DSCAM: variants seen among roughly 807,000 people sequenced by gnomAD.
DSCAM encodes cell adhesion molecule DSCAM.
Under a neutral mutation model 217.7 loss-of-function variants are expected in DSCAM, and 47 were observed. That is an observed-to-expected ratio of 0.22 (90% CI 0.17 to 0.28). The LOEUF (loss-of-function observed/expected upper bound fraction) is 0.28, where lower values mean the gene tolerates loss of function less well. Among genes scored for constraint, DSCAM ranks in the 10% least tolerant of loss-of-function variants. DSCAM has a pLI of 1.00. For missense variants in DSCAM, 2,080 were observed against 2,618.3 expected, an observed-to-expected ratio of 0.79 and a Z score of 4.49; for synonymous variants, 1,056 against 1,015.3, an observed-to-expected ratio of 1.04 and a Z score of -0.76.
intron 3 of DSCAM, among the ~76,000 whole-genome samples, chr21:40,424,972 C>T (rs9305697): frequency 0.47 from 71,586 of 151,700 alleles, 17,371 homozygotes; most frequent in South Asian, 0.53. Flanking sequence ...GGGATGGGTG[C>T]CTGTAATCCC....
intron 15 of DSCAM, among the ~76,000 whole-genome samples, chr21:40,169,180 C>T (rs943313983): frequency 6.6e-6 from 1 of 151,950 alleles, no homozygotes; most frequent in Non-Finnish European, 1.5e-5. Context: ...GAGGGCAGAG[C>T]GACGGGAGGC....
chr21:40,496,617 T>A (rs1382687841), intron 3 of DSCAM, among the ~76,000 whole-genome samples: 1 of 152,078 alleles, frequency 6.6e-6, no homozygotes, highest in Non-Finnish European at 1.5e-5. Context: ...TATGTGACCC[T>A]AAAAGCACAG....
In DSCAM at chr21:40,708,471, T is replaced by A. The variant is rs754179133; in HGVS notation, c.344A>T (p.Asp115Val). 3 of 1,510,838 alleles carry A rather than the reference T, an allele frequency of 2.0e-6. No individual in the cohort carries two copies. Among genetic ancestry groups the A allele is most frequent in the South Asian group, 1.4e-5 (1 of 71,128 alleles). The allele number at this position is 1,510,838 out of a possible 1,614,324, so 93.6% of individuals were successfully genotyped here. The change falls in exon 2 of 33, where the codon GAT becomes GTT. Residue 115 changes from aspartate (D) to valine (V), a missense_variant. This residue lies in a region of DSCAM where 568 missense variants were observed against 678.1 expected (regional missense o/e 0.84). Transcript: ENST00000400454. The part of the protein sequence containing the change: ...ENPSGKIRSQ[D>V]VHIKAVLREP... Reference sequence around the variant, plus strand: ...GTACTCACCAGCCTTGATGTGGACATCCTGACTTCTAATTTTCCCTGAAGG... The same window carrying A: ...GTACTCACCAGCCTTGATGTGGACAACCTGACTTCTAATTTTCCCTGAAGG...
intron 3 of DSCAM, among the ~76,000 whole-genome samples, chr21:40,605,268 G>GCT (rs2089217305): frequency 6.6e-6 from 1 of 152,102 alleles, no homozygotes; most frequent in African/African-American, 2.4e-5. Context: ...GCTGACCTTG[G>GCT]CTCTCATTCT....
intron 10 of DSCAM, among the ~76,000 whole-genome samples, chr21:40,280,378 T>C (rs1360240501): frequency 6.6e-6 from 1 of 151,958 alleles, no homozygotes; most frequent in Non-Finnish European, 1.5e-5. Flanking sequence ...TTTGTAAAGA[T>C]GGGGTCTTGC....
chr21:40,751,689 C>T (rs888659913), intron 1 of DSCAM, among the ~76,000 whole-genome samples: 1 of 152,038 alleles, frequency 6.6e-6, no homozygotes, highest in Non-Finnish European at 1.5e-5. Context: ...GGGGTTCCTA[C>T]TGTAGGGTGG....
At chr21:40,463,167 T>G (rs2075819056) in intron 3 of DSCAM, among the ~76,000 whole-genome samples, 1 of 152,106 alleles carries the variant, frequency 6.6e-6, no homozygotes, top group African/African-American at 2.4e-5. Context: ...GATACTAAAA[T>G]GATGGCATTG....
At chr21:40,514,013 T>G (rs1185258203) in intron 3 of DSCAM, among the ~76,000 whole-genome samples, 1 of 152,136 alleles carries the variant, frequency 6.6e-6, no homozygotes, top group Non-Finnish European at 1.5e-5. Flanking sequence ...AGTGACAGAT[T>G]GCATACAGAA....
intron 3 of DSCAM, among the ~76,000 whole-genome samples, chr21:40,572,085 G>GT (rs2076811251): frequency 1.7e-4 from 26 of 148,628 alleles, no homozygotes; most frequent in East Asian, 4.0e-4. Context: ...TGTGTGTGTG[G>GT]GTGTGTGTGT....
At chr21:40,635,059 G>A (rs2089738243) in intron 3 of DSCAM, among the ~76,000 whole-genome samples, 1 of 152,194 alleles carries the variant, frequency 6.6e-6, no homozygotes, top group Non-Finnish European at 1.5e-5. Flanking sequence ...GTACAGATGA[G>A]TTCTTAGTAC....
chr21:40,725,889 T>C (rs1158941386), intron 1 of DSCAM, among the ~76,000 whole-genome samples: 2 of 152,150 alleles, frequency 1.3e-5, no homozygotes, highest in African/African-American at 4.8e-5. Flanking sequence ...TTTTAGATCA[T>C]GCAAAGTCAA....
In DSCAM at chr21:40,142,832, G is replaced by T. The variant is rs2090309546; in HGVS notation, c.3260-128C>A. 5 of 1,072,750 alleles carry T rather than the reference G, an allele frequency of 4.7e-6. No individual in the cohort carries two copies. The East Asian group carries it at 1.2e-4, about 26-fold the overall frequency. 66.5% of individuals were successfully genotyped at this position (1,072,750 alleles called of 1,614,324 possible). A position where few individuals can be genotyped will look rare whatever the true frequency, so the allele number is the denominator to read the frequency against. Reference sequence around the variant, plus strand: ...AATTGCACTCAACCCCAAAATGAAAGAAAAAATAACAAAGATCACTTCCCT... The same window carrying T: ...AATTGCACTCAACCCCAAAATGAAATAAAAAATAACAAAGATCACTTCCCT... On this transcript the variant is annotated intron_variant, in intron 17 of 32. Coordinates refer to ENST00000400454, the MANE Select transcript of DSCAM (RefSeq NM_001389.5).
chr21:40,611,257 C>A (rs1375784580), intron 3 of DSCAM, among the ~76,000 whole-genome samples: 1 of 151,856 alleles, frequency 6.6e-6, no homozygotes, highest in Non-Finnish European at 1.5e-5. Flanking sequence ...CTGGGTTTTA[C>A]CATGCTGGCC....
chr21:40,110,034 T>A (rs2410214), intron 20 of DSCAM, among the ~76,000 whole-genome samples: 1 of 152,064 alleles, frequency 6.6e-6, no homozygotes, highest in East Asian at 1.9e-4. Flanking sequence ...CTCTGAACAC[T>A]TAAATGTCAC....
At chr21:40,082,765 C>T (rs1337867485) in intron 24 of DSCAM, among the ~76,000 whole-genome samples, 3 of 151,036 alleles carry the variant, frequency 2.0e-5, no homozygotes, top group Admixed American at 1.3e-4. Flanking sequence ...ACAACTGGTT[C>T]TTGGAGAGGA....
chr21:40,259,275 T>TTCC (rs1555895624), intron 11 of DSCAM, among the ~76,000 whole-genome samples: 1 of 128,998 alleles, frequency 7.8e-6, no homozygotes, highest in Non-Finnish European at 1.5e-5. Context: ...TTTAATGAAC[T>TTCC]CTTTTTTTTT....
At chr21:40,633,628 A>G (rs1192245159) in intron 3 of DSCAM, among the ~76,000 whole-genome samples, 1 of 152,198 alleles carries the variant, frequency 6.6e-6, no homozygotes, top group East Asian at 1.9e-4. Context: ...CGATTTTTCT[A>G]TTTTGGCAAT....
chr21:40,840,061 A>C (rs1208930905), intron 1 of DSCAM, among the ~76,000 whole-genome samples: 1 of 152,210 alleles, frequency 6.6e-6, no homozygotes, highest in Non-Finnish European at 1.5e-5. Context: ...GAACAAATAG[A>C]GATGTCCAAA....
chr21:40,113,710 A>G (rs2089930101), intron 20 of DSCAM, among the ~76,000 whole-genome samples: 1 of 152,230 alleles, frequency 6.6e-6, no homozygotes, highest in Non-Finnish European at 1.5e-5. Flanking sequence ...CAATTTCAGC[A>G]AAGTCTCAGG....
Sources: allele counts gnomAD v4.1 joint callset (sites outside exome capture counted in the v4.1 genomes callset), GRCh38; gene constraint gnomAD v4.1.1; regional missense constraint gnomAD v4.1.1; transcripts MANE v1.5; gene names NCBI Gene and HGNC (gene_info 2026-07-23, HGNC 2026-07-21).